Variants in AMZ2 observed in about 807,000 individuals in gnomAD.
AMZ2 encodes archaelysin family metallopeptidase 2.
AMZ2 carries 26 observed loss-of-function variants against 36.7 expected under a neutral mutation model. The ratio of observed to expected loss-of-function variants is 0.71; its 90% confidence interval spans 0.52 to 0.98. AMZ2 has a LOEUF of 0.98. AMZ2 is among the 50% of genes least tolerant of loss of function. AMZ2 has a pLI of 0.00. For missense variants in AMZ2, 394 were observed against 430.5 expected (o/e 0.92, Z 0.75); for synonymous variants, 144 against 149.1 (o/e 0.97, Z 0.25).
chr17:68,216,268 G>A (rs2073190681), intron 1 of AMZ2, among the ~76,000 whole-genome samples: 1 of 152,016 alleles, frequency 6.6e-6, no homozygotes, highest in African/African-American at 2.4e-5. Context: ...CTAGGAGCTG[G>A]GACTACAGGC....
exon 1 of AMZ2, chr17:68,206,160 G>C: frequency 1.5e-6 from 2 of 1,306,464 alleles, no homozygotes; most frequent in South Asian, 3.2e-5. Flanking sequence ...TTATCTGGAG[G>C]AGCTGGAAGA....
At chr17:68,255,209 C>T (rs1555742070) in intron 5 of AMZ2, among the ~76,000 whole-genome samples, 1 of 152,196 alleles carries the variant, frequency 6.6e-6, no homozygotes, top group Non-Finnish European at 1.5e-5. Flanking sequence ...CAGATCAAGC[C>T]CCCTTTCTCC....
At position 68,248,419 on chromosome 17, in the gene AMZ2, CCAGGGTGGCCAGCTCCTT is replaced by C; in HGVS notation, c.-285_-268del. On this transcript the variant is annotated 5_prime_UTR_variant, in exon 1 of 7. Transcript: ENST00000359904. The stretch of plus-strand genomic sequence containing the variant: ...AGTGCGAGTTGCTATAGGCAACCAG[CCAGGGTGGCCAGCTCCTT>C]CCCGTTTGCCCGTGATGTTCTGGTT... The C allele has an allele frequency of 1.0e-6, 1 of 986,188 alleles. No homozygotes were observed. The highest frequency in any genetic ancestry group is 1.2e-6 in the Non-Finnish European group (1 of 830,208). 61.1% of individuals were successfully genotyped at this position (986,188 alleles called of 1,614,324 possible). A position where few individuals can be genotyped will look rare whatever the true frequency, so the allele number is the denominator to read the frequency against.
intron 1 of AMZ2, among the ~76,000 whole-genome samples, chr17:68,225,338 G>C (rs1436790606): frequency 1.3e-5 from 2 of 152,186 alleles, no homozygotes; most frequent in Non-Finnish European, 2.9e-5. Flanking sequence ...TGGAAATGGA[G>C]AAGTTCAGCC....
At position 68,207,912 on chromosome 17, in the gene AMZ2, G is replaced by A. The variant is rs1297226571; in HGVS notation, c.-67+1674G>A. ...GAGCGGTGCTTGCGGGCCAGCGTGA[G>A]TTCCCAGTGGGTGTGGGCTCGGTGG... On this transcript the variant is annotated intron_variant, in intron 1 of 7. Transcript: ENST00000674770. Among the ~76,000 whole-genome samples, 120 of 152,120 alleles carry A rather than the reference G, an allele frequency of 7.9e-4. 2 individuals carry two copies. The highest frequency in any genetic ancestry group is 1.8e-4 in the Non-Finnish European group (12 of 67,998).
chr17:68,222,766 G>A lies in AMZ2; in HGVS notation c.-67+16528G>A, dbSNP rs1171380841. ...TGCCACCGCTGATCTGACAGGAGGC[G>A]GAGCTCATGGTAATGCGAGCAATAA... On this transcript the variant is annotated intron_variant, in intron 1 of 7. Transcript: ENST00000674770. Among the ~76,000 whole-genome samples, 24 of 152,272 alleles carry A rather than the reference G, an allele frequency of 1.6e-4. No individual in the cohort carries two copies. In the East Asian group the frequency reaches 3.7e-3, roughly 23 times the overall value.
Position 68,248,064 on chromosome 17 carries a change from C to A in AMZ2, c.-642C>A, listed in dbSNP as rs1285601698. The A allele has an allele frequency of 1.3e-5, 13 of 986,156 alleles. No homozygotes were observed. Among genetic ancestry groups the A allele is most frequent in the Non-Finnish European group, 1.6e-5 (13 of 830,584 alleles). 61.1% of individuals were successfully genotyped at this position (986,156 alleles called of 1,614,324 possible). On this transcript the variant is annotated 5_prime_UTR_variant, in exon 1 of 7. Transcript: ENST00000359904. ...GCGCAGTGCGAAGGGACGCGGTGCG[C>A]ATGCGCGTGAGGGCTGCCGCGGGTG...
At chr17:68,209,112 T>C (rs1196971871) in intron 1 of AMZ2, among the ~76,000 whole-genome samples, 1 of 152,070 alleles carries the variant, frequency 6.6e-6, no homozygotes, top group Non-Finnish European at 1.5e-5. Flanking sequence ...GTATGGAGAA[T>C]AAAAGGAATG....
chr17:68,227,346 T>C (rs1808249), intron 1 of AMZ2, among the ~76,000 whole-genome samples: 54,001 of 152,112 alleles, frequency 0.36, 10,698 homozygotes, highest in African/African-American at 0.54. Flanking sequence ...ACCAGGAGCC[T>C]GGGTAGGGAC....
At chr17:68,209,484 AT>A (rs1357850173) in intron 1 of AMZ2, among the ~76,000 whole-genome samples, 1 of 151,726 alleles carries the variant, frequency 6.6e-6, no homozygotes, top group Non-Finnish European at 1.5e-5. Context: ...GTGAGCCACT[AT>A]GCCCGGCCTT....
chr17:68,219,255 G>A (rs114855655), intron 1 of AMZ2, among the ~76,000 whole-genome samples: 1,544 of 152,208 alleles, frequency 0.01, 24 homozygotes, highest in African/African-American at 0.035. Flanking sequence ...GTGAGCCACC[G>A]TGCCCAGCTG....
chr17:68,222,471 A>G (rs2073392965), intron 1 of AMZ2, among the ~76,000 whole-genome samples: 1 of 152,128 alleles, frequency 6.6e-6, no homozygotes. Flanking sequence ...GGGATAGTGG[A>G]TTTGGGATGA....
At chr17:68,220,846 G>A (rs1207576317) in intron 1 of AMZ2, among the ~76,000 whole-genome samples, 2 of 149,010 alleles carry the variant, frequency 1.3e-5, no homozygotes, top group South Asian at 2.1e-4. Flanking sequence ...GCAGTGGTGC[G>A]ATCTCGGCTC....
At chr17:68,230,837 C>A (rs2073642329) in intron 1 of AMZ2, among the ~76,000 whole-genome samples, 1 of 152,084 alleles carries the variant, frequency 6.6e-6, no homozygotes, top group African/African-American at 2.4e-5. Flanking sequence ...AAAGCTGAGT[C>A]TCAGTGAAGT....
chr17:68,232,925 G>A (rs544580698), intron 1 of AMZ2, among the ~76,000 whole-genome samples: 26 of 152,346 alleles, frequency 1.7e-4, no homozygotes, highest in South Asian at 1.0e-3. Context: ...TCTTATTGTG[G>A]AGATGCACTT....
Position 68,248,267 on chromosome 17 carries a change from C to T in AMZ2, c.-439C>T. On this transcript the variant is annotated 5_prime_UTR_variant, in exon 1 of 7. Transcript: ENST00000359904. ...GCCGCGGGGTCCGCGGGGTCGGTGC[C>T]TCTAGGGAGCCAGGGAGGCCTTTCC... 5.1e-6 allele frequency: 5 copies of T among 985,824 alleles called. No homozygotes were observed. The highest frequency in any genetic ancestry group is 6.0e-6 in the Non-Finnish European group (5 of 830,114). 61.1% of individuals were successfully genotyped at this position (985,824 alleles called of 1,614,324 possible).
intron 4 of AMZ2, among the ~76,000 whole-genome samples, chr17:68,252,247 G>A (rs1200853337): frequency 6.6e-6 from 1 of 152,172 alleles, no homozygotes; most frequent in Non-Finnish European, 1.5e-5. Flanking sequence ...GGGGTGGTAA[G>A]CTTTTTGGGA....
chr17:68,242,315 C>T (rs1395264068), intron 1 of AMZ2, among the ~76,000 whole-genome samples: 1 of 151,980 alleles, frequency 6.6e-6, no homozygotes, highest in South Asian at 2.1e-4. Context: ...AAATTGTTTT[C>T]TGACTGTAAA....
upstream of AMZ2, chr17:68,247,998 G>C: frequency 1.0e-6 from 1 of 986,072 alleles, no homozygotes; most frequent in Non-Finnish European, 1.2e-6. Context: ...CAGCGGCGCG[G>C]CGCGTGGCGT....
Sources: allele counts gnomAD v4.1 joint callset (sites outside exome capture counted in the v4.1 genomes callset), GRCh38; gene constraint gnomAD v4.1.1; transcripts MANE v1.5; gene names NCBI Gene and HGNC (gene_info 2026-07-23, HGNC 2026-07-21).